PLEKHH1: variants seen among roughly 807,000 people sequenced by gnomAD.
PLEKHH1 encodes pleckstrin homology domain-containing family H member 1.
PLEKHH1 carries 104 observed loss-of-function variants against 160.0 expected under a neutral mutation model. That is an observed-to-expected ratio of 0.65 (90% CI 0.55 to 0.76). The LOEUF is 0.76. PLEKHH1 is among the 30% of genes least tolerant of loss of function. The pLI, the probability that PLEKHH1 is intolerant of heterozygous loss-of-function variation, is 0.00. For missense variants in PLEKHH1, 1,427 were observed against 1,724.1 expected, an observed-to-expected ratio of 0.83 and a Z score of 3.05; for synonymous variants, 619 against 678.4, an observed-to-expected ratio of 0.91 and a Z score of 1.36.
chr14:67,570,259 C>T (rs1377677638), intron 9 of PLEKHH1: 10 of 869,684 alleles, frequency 1.1e-5, no homozygotes, highest in Non-Finnish European at 1.2e-5. Context: ...GCCCGCTTTA[C>T]AGCTCTCCCC....
chr14:67,574,464 T>C lies in PLEKHH1; in HGVS notation c.2088+61T>C, dbSNP rs2035534128. ...CTCCTGCGAATCAGGGGAGCCAGGATTGGGGTGCCGAGGGTGGTGGGTTCC... is the reference window on the plus strand; with the variant it reads ...CTCCTGCGAATCAGGGGAGCCAGGACTGGGGTGCCGAGGGTGGTGGGTTCC... On this transcript the variant is annotated intron_variant, in intron 14 of 28. Coordinates refer to ENST00000329153, the MANE Select transcript of PLEKHH1 (RefSeq NM_020715.3). The surrounding 1 kb of genome is among the most constrained non-coding windows in gnomAD (Gnocchi z 4.2). 5 of 1,350,668 alleles carry C rather than the reference T, an allele frequency of 3.7e-6. No homozygotes were observed. The highest frequency in any genetic ancestry group is 3.3e-5 in the South Asian group (2 of 60,436). The allele number at this position is 1,350,668 out of a possible 1,614,324, so 83.7% of individuals were successfully genotyped here. A position where few individuals can be genotyped will look rare whatever the true frequency, so the allele number is the denominator to read the frequency against.
intron 1 of PLEKHH1, among the ~76,000 whole-genome samples, chr14:67,536,983 T>A (rs562991708): frequency 4.9e-4 from 67 of 136,120 alleles, no homozygotes; most frequent in Middle Eastern, 5.0e-3. Context: ...GAGGTTGCAG[T>A]GAGCCGAGAT....
rs532760195 is a variant in PLEKHH1 at position 67,582,561 on chromosome 14, G to A, written c.3426+351G>A. Among the ~76,000 whole-genome samples, 18 of 152,322 alleles carry A rather than the reference G, an allele frequency of 1.2e-4. No homozygotes were observed. The highest frequency in any genetic ancestry group is 4.3e-4 in the African/African-American group (18 of 41,564). ...TGGCCGGGAGCAGTGGCTCATGCCT[G>A]TAATGTCAGCACTTTGCGAGGCCGA... On this transcript the variant is annotated intron_variant, in intron 24 of 28. Transcript: ENST00000329153. This position sits in a 1 kb window ranked among gnomAD's most constrained non-coding sequence, Gnocchi z 5.0.
Position 67,559,380 on chromosome 14 carries a change from G to A in PLEKHH1, c.340-228G>A, listed in dbSNP as rs568949378. ...TCTCCTTCCATGTCAGGGATATGCC[G>A]CGTTTATTCAGCCAACCCCTTCGTG... On this transcript the variant is annotated intron_variant, in intron 4 of 28. Transcript: ENST00000329153. Among the ~76,000 whole-genome samples, 4 of 152,234 alleles carry A rather than the reference G, an allele frequency of 2.6e-5. No individual in the cohort carries two copies. In the East Asian group the frequency reaches 5.8e-4, roughly 22 times the overall value.
Position 67,569,751 on chromosome 14 carries a change from G to T in PLEKHH1, c.1343-170G>T, listed in dbSNP as rs557354765. The T allele has an allele frequency of 4.2e-5, 26 of 615,376 alleles. No individual in the cohort carries two copies. The East Asian group carries it at 6.0e-4, about 14-fold the overall frequency. The allele number at this position is 615,376 out of a possible 1,614,324, so 38.1% of individuals were successfully genotyped here. On this transcript the variant is annotated intron_variant, in intron 8 of 28. Coordinates refer to ENST00000329153, the MANE Select transcript of PLEKHH1 (RefSeq NM_020715.3). Reference sequence around the variant, plus strand: ...GATCCTTTACCACATGGAGATCATGGTCCCCAAAGGGAGTCAAGGGGAGAA... The same window carrying T: ...GATCCTTTACCACATGGAGATCATGTTCCCCAAAGGGAGTCAAGGGGAGAA...
At chr14:67,538,603 C>T (rs2033839454) in intron 1 of PLEKHH1, among the ~76,000 whole-genome samples, 1 of 152,086 alleles carries the variant, frequency 6.6e-6, no homozygotes, top group Non-Finnish European at 1.5e-5. Context: ...TTGCTCTGAC[C>T]ACCTGCTTCT....
Position 67,562,281 on chromosome 14 carries a change from C to T in PLEKHH1, c.650C>T (p.Ala217Val), listed in dbSNP as rs755510213. The T allele has an allele frequency of 5.9e-5, 95 of 1,613,626 alleles. No individual in the cohort carries two copies. The South Asian group carries it at 9.8e-4, about 17-fold the overall frequency. ...CAGGGTCTGAAGGCAGCTGTGCTTG[C>T]ACCTTCCCCAGGTGCCCTGCAGAGC... ...QAQGLKAAVL[A>V]PSPGALQSKD... Residue 217 changes from alanine (A) to valine (V), a missense_variant, in exon 7 of 29, where the codon GCA becomes GTA. Ala to Val is a moderately conservative substitution (Grantham distance 64). Around this residue, in one of 6 missense-constraint regions of PLEKHH1, gnomAD observed 831 missense variants for 929.2 expected, o/e 0.89. Coordinates refer to ENST00000329153, the MANE Select transcript of PLEKHH1 (RefSeq NM_020715.3).
chr14:67,559,804 T>C (rs1468538788), intron 5 of PLEKHH1, 113 bp downstream of exon 5: 4 of 685,896 alleles, frequency 5.8e-6, no homozygotes, highest in Non-Finnish European at 1.1e-5. Flanking sequence ...CTTCATTCTG[T>C]CCAGCACTTG....
At position 67,589,252 on chromosome 14, in the gene PLEKHH1, T is replaced by A; in HGVS notation, c.*2017T>A. On this transcript the variant is annotated 3_prime_UTR_variant, in exon 29 of 29. Transcript: ENST00000329153. ...CCCCACCCTCTCTCCTCCCCAACCC[T>A]TCAGGAACCCTTTAGTTTATTAATC... The A allele has an allele frequency of 1.4e-6, 1 of 720,164 alleles. No homozygotes were observed. The highest frequency in any genetic ancestry group is 1.7e-6 in the Non-Finnish European group (1 of 587,614). The allele number at this position is 720,164 out of a possible 1,614,324, so 44.6% of individuals were successfully genotyped here. A position where few individuals can be genotyped will look rare whatever the true frequency, so the allele number is the denominator to read the frequency against.
chr14:67,544,316 C>T (rs1383311739), intron 2 of PLEKHH1, among the ~76,000 whole-genome samples: 1 of 152,110 alleles, frequency 6.6e-6, no homozygotes, highest in East Asian at 1.9e-4. Flanking sequence ...TTTATACTAC[C>T]TGTGTGGTTT....
chr14:67,579,386 T>C, intron 21 of PLEKHH1, 75 bp downstream of exon 21: 5 of 1,213,564 alleles, frequency 4.1e-6, no homozygotes, highest in African/African-American at 1.5e-5. Flanking sequence ...GGCCTTAGGC[T>C]CAGGCTTGGC....
chr14:67,544,715 GTTT>G (rs1281872332), intron 2 of PLEKHH1, among the ~76,000 whole-genome samples: 2 of 152,202 alleles, frequency 1.3e-5, no homozygotes, highest in Non-Finnish European at 2.9e-5. Context: ...AAGTGAAAGT[GTTT>G]TTATTGAAAT....
chr14:67,560,727 CTTTTT>C (rs11433194), intron 5 of PLEKHH1, among the ~76,000 whole-genome samples: 4 of 126,426 alleles, frequency 3.2e-5, no homozygotes, highest in Non-Finnish European at 1.6e-5. Flanking sequence ...GAACATATAT[CTTTTT>C]TTTTTTTTTT....
intron 7 of PLEKHH1, 89 bp downstream of exon 7, chr14:67,562,983 G>C (rs997871921): frequency 2.2e-6 from 3 of 1,339,992 alleles, no homozygotes; most frequent in African/African-American, 1.5e-5. Flanking sequence ...GAGCAGGAGA[G>C]GAGGCTGCTG....
chr14:67,574,301 G>A lies in PLEKHH1; in HGVS notation c.1986G>A (p.Glu662=). 1 of 1,607,620 alleles carries A rather than the reference G, an allele frequency of 6.2e-7. No individual in the cohort carries two copies. Among genetic ancestry groups the A allele is most frequent in the Non-Finnish European group, 8.5e-7 (1 of 1,177,014 alleles). The change falls in exon 14 of 29, where the codon GAG becomes GAA. Residue 662 remains glutamate (E), a synonymous_variant. Coordinates refer to ENST00000329153, the MANE Select transcript of PLEKHH1 (RefSeq NM_020715.3). This position sits in a 1 kb window ranked among gnomAD's most constrained non-coding sequence, Gnocchi z 4.2. ...CCGATTCACCCAGCCTGCTGGAGGA[G>A]TGGATCCGAGTACTCCAGAGCCTGC... ...LTADSPSLLE[E]WIRVLQSLLK... is the part of the protein sequence containing the mutation.
chr14:67,545,908 T>C (rs1427251393), intron 2 of PLEKHH1, among the ~76,000 whole-genome samples: 2 of 151,616 alleles, frequency 1.3e-5, no homozygotes, highest in Non-Finnish European at 2.9e-5. Context: ...TATTTGGGAA[T>C]AAGCATCTGA....
At chr14:67,572,336 G>A (rs1429033336) in intron 11 of PLEKHH1, 59 bp downstream of exon 11, 21 of 1,398,854 alleles carry the variant, frequency 1.5e-5, no homozygotes, top group Middle Eastern at 1.8e-4. Context: ...GGCTGCTGGG[G>A]CCCTCAGCAC....
intron 1 of PLEKHH1, among the ~76,000 whole-genome samples, chr14:67,535,995 A>G (rs1030292645): frequency 6.6e-6 from 1 of 152,224 alleles, no homozygotes; most frequent in Non-Finnish European, 1.5e-5. Flanking sequence ...GCTTAAGGCC[A>G]CAGGATTATT....
In PLEKHH1 at chr14:67,586,013, C is replaced by T; in HGVS notation, c.3849C>T (p.Phe1283=). The change falls in exon 28 of 29, where the codon TTC becomes TTT. Residue 1283 remains phenylalanine (F), a synonymous_variant. Coordinates refer to ENST00000329153, the MANE Select transcript of PLEKHH1 (RefSeq NM_020715.3). The part of the protein sequence containing the change: ...VTTFGGCRDD[F]MLVIRSIPDK... ...CGTTTGGTGGCTGCAGGGATGACTT[C>T]ATGCTTGTGATTAGATCTATCCCAG... is the stretch of plus-strand genomic sequence containing the variant. The T allele has an allele frequency of 1.9e-6, 3 of 1,613,916 alleles. No individual in the cohort carries two copies. The highest frequency in any genetic ancestry group is 2.5e-6 in the Non-Finnish European group (3 of 1,179,812).
Sources: gnomAD v4.1 joint callset for allele counts (sites outside exome capture counted in the v4.1 genomes callset) on GRCh38, gnomAD v4.1.1 for gene constraint, gnomAD v4.1.1 regional missense constraint, Gnocchi (gnomAD v3.1) non-coding constraint, MANE v1.5 for transcripts, NCBI Gene and HGNC (gene_info 2026-07-23, HGNC 2026-07-21) for gene names.